Variants in SNX24 observed in about 807,000 individuals in gnomAD.
The protein encoded by SNX24 is sorting nexin-24.
A neutral mutation model predicts 28.7 loss-of-function variants in SNX24; 22 were observed. The observed-to-expected ratio is 0.77, with a 90% CI of 0.55 to 1.10. The LOEUF is 1.10. Ranked by LOEUF, SNX24 falls within the 50% of genes least tolerant of loss-of-function variation. The pLI is 0.00. For synonymous variants in SNX24, 69 were observed against 71.5 expected (o/e 0.96, Z 0.18); for missense variants, 221 against 201.1 (o/e 1.10, Z -0.60).
intron 1 of SNX24, among the ~76,000 whole-genome samples, chr5:122,855,667 G>T (rs921335797): frequency 6.6e-6 from 1 of 152,144 alleles, no homozygotes; most frequent in Non-Finnish European, 1.5e-5. Flanking sequence ...TGCTTTATCA[G>T]CTAAGTCTGT....
At chr5:123,009,422 A>AT (rs890940427), downstream of SNX24, among the ~76,000 whole-genome samples, 6 of 152,184 alleles carry the variant, frequency 3.9e-5, no homozygotes, top group Admixed American at 6.5e-5. Context: ...GATAATAAGA[A>AT]TTTTTTTGAA....
chr5:122,940,614 C>A lies in SNX24; in HGVS notation c.144+3797C>A, dbSNP rs577834537. ...TGAGACAGAGTCTCACTTTATCACC[C>A]AGGCTGGAGTGCAGTGGTGCAATCT... On this transcript the variant is annotated intron_variant, in intron 2 of 6. Coordinates refer to ENST00000261369, the MANE Select transcript of SNX24 (RefSeq NM_014035.4). Among the ~76,000 whole-genome samples, 11 of 152,282 alleles carry A rather than the reference C, an allele frequency of 7.2e-5. 1 individual carries two copies. The highest frequency in any genetic ancestry group is 2.6e-4 in the African/African-American group (11 of 41,562).
At chr5:123,021,567 A>G (rs936731679) in intron 5 of SNX24, among the ~76,000 whole-genome samples, 2 of 152,226 alleles carry the variant, frequency 1.3e-5, no homozygotes, top group African/African-American at 4.8e-5. Context: ...CCAAAAAGTT[A>G]TAAATGTTTG....
intron 1 of SNX24, among the ~76,000 whole-genome samples, chr5:122,896,552 A>G (rs950541899): frequency 1.5e-4 from 23 of 151,936 alleles, no homozygotes; most frequent in Non-Finnish European, 3.4e-4. Context: ...TTTTATTTCT[A>G]TTGTTACATT....
At chr5:122,921,608 A>G (rs754062153) in intron 1 of SNX24, among the ~76,000 whole-genome samples, 2 of 134,996 alleles carry the variant, frequency 1.5e-5, no homozygotes, top group East Asian at 4.7e-4. Context: ...AGTCTAATAC[A>G]TGAAACCTAG....
intron 1 of SNX24, among the ~76,000 whole-genome samples, chr5:122,912,733 G>C (rs923432482): frequency 6.7e-6 from 1 of 149,500 alleles, no homozygotes; most frequent in Admixed American, 6.6e-5. Flanking sequence ...TAATCATGTG[G>C]GTTTTTTTTT....
chr5:122,947,821 C>A (rs978228835), intron 3 of SNX24, among the ~76,000 whole-genome samples: 1 of 152,218 alleles, frequency 6.6e-6, no homozygotes, highest in African/African-American at 2.4e-5. Flanking sequence ...TGTATATCTT[C>A]AAGCTTTAGT....
chr5:122,935,474 CA>C (rs1477876061), intron 1 of SNX24, among the ~76,000 whole-genome samples: 1 of 151,926 alleles, frequency 6.6e-6, no homozygotes, highest in African/African-American at 2.4e-5. Flanking sequence ...AGTATTTATT[CA>C]GGGGTATTTC....
intron 1 of SNX24, among the ~76,000 whole-genome samples, chr5:122,849,713 C>G (rs994574643): frequency 3.3e-5 from 5 of 152,150 alleles, no homozygotes; most frequent in African/African-American, 4.8e-5. Flanking sequence ...GTCCCATTCC[C>G]TACCCAATGG....
At chr5:122,872,394 T>C (rs562507939) in intron 1 of SNX24, among the ~76,000 whole-genome samples, 7 of 152,234 alleles carry the variant, frequency 4.6e-5, no homozygotes, top group Non-Finnish European at 8.8e-5. Context: ...GAAAACCTTG[T>C]ATTGTTTTCC....
At chr5:122,849,924 C>G (rs950356906) in intron 1 of SNX24, among the ~76,000 whole-genome samples, 24 of 152,020 alleles carry the variant, frequency 1.6e-4, no homozygotes, top group Admixed American at 1.4e-3. Flanking sequence ...TGTAGCAGCT[C>G]AGAGAGTTAG....
At chr5:122,949,460 A>G (rs1269223435) in intron 3 of SNX24, among the ~76,000 whole-genome samples, 3 of 152,136 alleles carry the variant, frequency 2.0e-5, no homozygotes, top group African/African-American at 7.2e-5. Flanking sequence ...ATTGTATTTG[A>G]AAAAACCACT....
rs750535311 is a variant in SNX24, at chr5:122,936,779, G to C, written c.106G>C (p.Glu36Gln). Reference sequence around the variant, plus strand: ...AATGAATGGAAGAAAACATTTTGTTGAAAAGAGATACAGCGAATTTCATGC... The same window carrying C: ...AATGAATGGAAGAAAACATTTTGTTCAAAAGAGATACAGCGAATTTCATGC... ...VLMNGRKHFV[E>Q]KRYSEFHALH... Residue 36 changes from glutamate (E) to glutamine (Q), a missense_variant, in exon 2 of 7, where the codon GAA (glutamate) becomes CAA (glutamine). Physicochemically the swap from Glu to Gln is conservative, Grantham distance 29. Coordinates refer to ENST00000261369, the MANE Select transcript of SNX24 (RefSeq NM_014035.4). 37 of 1,608,190 alleles carry C rather than the reference G, an allele frequency of 2.3e-5. No homozygotes were observed. In the South Asian group the frequency reaches 3.9e-4, roughly 17 times the overall value.
chr5:122,896,408 C>T (rs1757205625), intron 1 of SNX24, among the ~76,000 whole-genome samples: 1 of 152,194 alleles, frequency 6.6e-6, no homozygotes, highest in Non-Finnish European at 1.5e-5. Context: ...TTATCATGCA[C>T]ATGTTCATGT....
At chr5:122,987,418 C>G (rs902866536) in intron 3 of SNX24, among the ~76,000 whole-genome samples, 3 of 152,156 alleles carry the variant, frequency 2.0e-5, no homozygotes, top group Non-Finnish European at 2.9e-5. Flanking sequence ...AGTTTGAGAA[C>G]TACTGTTCTA....
At chr5:122,894,610 A>G (rs1757122133) in intron 1 of SNX24, among the ~76,000 whole-genome samples, 1 of 152,098 alleles carries the variant, frequency 6.6e-6, no homozygotes, top group South Asian at 2.1e-4. Context: ...TTCTCTACCA[A>G]TTTTTTAAAT....
At chr5:122,913,672 G>T (rs1207376115) in intron 1 of SNX24, among the ~76,000 whole-genome samples, 4 of 152,178 alleles carry the variant, frequency 2.6e-5, no homozygotes, top group Admixed American at 6.5e-5. Flanking sequence ...AGACGGGGCA[G>T]CCGGGCAGAG....
At chr5:123,024,013 G>C in intron 5 of SNX24, 1 of 1,610,974 alleles carries the variant, frequency 6.2e-7, no homozygotes, top group Non-Finnish European at 8.5e-7. Flanking sequence ...TCTGGTGAGA[G>C]AAAAGTAGAC....
At chr5:122,896,521 G>C (rs1013730127) in intron 1 of SNX24, among the ~76,000 whole-genome samples, 1 of 152,168 alleles carries the variant, frequency 6.6e-6, no homozygotes, top group East Asian at 1.9e-4. Flanking sequence ...GGAGCCTCCT[G>C]TCCTGTCAAG....
Sources: allele counts gnomAD v4.1 joint callset (sites outside exome capture counted in the v4.1 genomes callset), GRCh38; gene constraint gnomAD v4.1.1; transcripts MANE v1.5; gene names NCBI Gene and HGNC (gene_info 2026-07-23, HGNC 2026-07-21).